MGAT4A: variants seen among roughly 807,000 people sequenced by gnomAD.
MGAT4A encodes the protein alpha-1,3-mannosyl-glycoprotein 4-beta-N-acetylglucosaminyltransferase A.
MGAT4A carries 33 observed loss-of-function variants against 74.1 expected under a neutral mutation model. The observed-to-expected ratio is 0.45, with a 90% CI of 0.34 to 0.60. MGAT4A has a LOEUF of 0.60. Among genes scored for constraint, MGAT4A ranks in the 20% least tolerant of loss-of-function variants. The pLI is 0.02. For missense variants in MGAT4A, 479 were observed against 628.3 expected (o/e 0.76, Z 2.54); for synonymous variants, 198 against 210.4 (o/e 0.94, Z 0.51).
intron 2 of MGAT4A, among the ~76,000 whole-genome samples, chr2:98,705,202 C>T (rs1056025784): frequency 2.6e-5 from 4 of 152,190 alleles, no homozygotes; most frequent in African/African-American, 7.2e-5. Context: ...GCCCTCTCCC[C>T]ATTTTAAGCA....
chr2:98,689,166 C>T (rs1702164319), intron 2 of MGAT4A, among the ~76,000 whole-genome samples: 1 of 152,136 alleles, frequency 6.6e-6, no homozygotes, highest in African/African-American at 2.4e-5. Context: ...TTCAGGATAG[C>T]ATAAAAGAAG....
intron 1 of MGAT4A, among the ~76,000 whole-genome samples, chr2:98,730,618 C>T (rs1702838303): frequency 6.6e-6 from 1 of 151,582 alleles, no homozygotes; most frequent in Non-Finnish European, 1.5e-5. Context: ...AGCTGTCCCT[C>T]CCCCTCCGCA....
At chr2:98,656,812 TGAA>T (rs1482070349) in intron 6 of MGAT4A, among the ~76,000 whole-genome samples, 1 of 151,898 alleles carries the variant, frequency 6.6e-6, no homozygotes, top group Non-Finnish European at 1.5e-5. Context: ...AATAGAAAAT[TGAA>T]GAAAAACAAA....
rs537178060 is a variant in MGAT4A, at chr2:98,623,448, T to C, written c.*2118A>G. On this transcript the variant is annotated 3_prime_UTR_variant, in exon 16 of 16. Transcript: ENST00000393487. The stretch of plus-strand genomic sequence containing the variant: ...TCCTAAGCCCACCTGCAGAGATTTT[T>C]ACTTCTGGTACTCAGTTATCTTTGC... 1,276 of 985,330 alleles carry C rather than the reference T, an allele frequency of 1.3e-3. No homozygotes were observed. Among genetic ancestry groups the C allele is most frequent in the Middle Eastern group, 1.5e-3 (3 of 1,936 alleles). The allele number at this position is 985,330 out of a possible 1,614,324, so 61.0% of individuals were successfully genotyped here.
chr2:98,621,277 G>C lies in MGAT4A; in HGVS notation c.*4289C>G. On this transcript the variant is annotated 3_prime_UTR_variant, in exon 16 of 16. Transcript: ENST00000393487. ...GGCTGGGTCTTATCTGGAGACTGGA[G>C]ATGAATGCCTTTCCAAGCCTATGAA... 1.7e-6 allele frequency: 2 copies of C among 1,210,268 alleles called. No individual in the cohort carries two copies. Among genetic ancestry groups the C allele is most frequent in the South Asian group, 3.4e-5 (2 of 58,720 alleles). The allele number at this position is 1,210,268 out of a possible 1,614,324, so 75.0% of individuals were successfully genotyped here. A position where few individuals can be genotyped will look rare whatever the true frequency, so the allele number is the denominator to read the frequency against.
intron 2 of MGAT4A, chr2:98,694,068 C>T (rs1702232676): frequency 6.5e-6 from 1 of 153,824 alleles, no homozygotes; most frequent in South Asian, 1.8e-4. Flanking sequence ...CAGCTCCAGC[C>T]TGGCCCCAGC....
intron 3 of MGAT4A, among the ~76,000 whole-genome samples, chr2:98,676,528 A>C (rs1317797643): frequency 6.6e-6 from 1 of 152,192 alleles, no homozygotes; most frequent in South Asian, 2.1e-4. Flanking sequence ...TATTTCTAAG[A>C]AGATCATAAT....
chr2:98,621,350 C>G lies in MGAT4A; in HGVS notation c.*4216G>C, dbSNP rs745422546. 6.6e-7 allele frequency: 1 copy of G among 1,519,914 alleles called. No homozygotes were observed. Among genetic ancestry groups the G allele is most frequent in the South Asian group, 1.3e-5 (1 of 79,982 alleles). 94.2% of individuals were successfully genotyped at this position (1,519,914 alleles called of 1,614,324 possible). ...TTCCCGTGGCTGTAGGACTGCAGTT[C>G]CCAGCTCCTTTGCTGTTAGCCAAGG... On this transcript the variant is annotated 3_prime_UTR_variant, in exon 16 of 16. Transcript: ENST00000393487.
intron 6 of MGAT4A, among the ~76,000 whole-genome samples, chr2:98,657,072 G>C (rs141796901): frequency 7.9e-5 from 12 of 152,296 alleles, no homozygotes; most frequent in African/African-American, 2.6e-4. Context: ...ATTCTACAAT[G>C]CATACGGCAG....
chr2:98,661,911 C>T (rs1701754778), intron 5 of MGAT4A, among the ~76,000 whole-genome samples: 1 of 133,138 alleles, frequency 7.5e-6, no homozygotes, highest in African/African-American at 3.4e-5. Context: ...GCCAAAAATG[C>T]ATAGTCAAAA....
chr2:98,674,384 G>A (rs982764800), intron 4 of MGAT4A, among the ~76,000 whole-genome samples: 6 of 152,264 alleles, frequency 3.9e-5, no homozygotes, highest in Admixed American at 2.6e-4. Context: ...AGTGGTAAAC[G>A]GCTCTTGGGC....
intron 4 of MGAT4A, among the ~76,000 whole-genome samples, chr2:98,665,622 T>TAGGTA (rs1186815227): frequency 1.3e-5 from 2 of 152,220 alleles, no homozygotes; most frequent in African/African-American, 4.8e-5. Flanking sequence ...CAATGGTAAA[T>TAGGTA]AACATAGGTA....
At chr2:98,691,518 A>G (rs1702194116) in intron 2 of MGAT4A, among the ~76,000 whole-genome samples, 1 of 152,172 alleles carries the variant, frequency 6.6e-6, no homozygotes, top group Admixed American at 6.5e-5. Flanking sequence ...GCATAACACA[A>G]TGCATGACTC....
intron 8 of MGAT4A, among the ~76,000 whole-genome samples, chr2:98,647,303 GCT>G (rs1491205550): frequency 1.1e-5 from 1 of 91,792 alleles, no homozygotes; most frequent in African/African-American, 1.0e-4. Flanking sequence ...GATGTAATGT[GCT>G]CTTTTTTTAT....
At chr2:98,703,048 G>C (rs949649877) in intron 2 of MGAT4A, among the ~76,000 whole-genome samples, 1 of 152,252 alleles carries the variant, frequency 6.6e-6, no homozygotes, top group Non-Finnish European at 1.5e-5. Flanking sequence ...GCAGTCAGTG[G>C]AAGTGGTCTC....
intron 2 of MGAT4A, among the ~76,000 whole-genome samples, chr2:98,684,634 G>C (rs1220532957): frequency 6.6e-6 from 1 of 151,862 alleles, no homozygotes. Context: ...ATCCTTTTTG[G>C]CAAAAATGGT....
chr2:98,661,628 G>C (rs975841871), intron 5 of MGAT4A, among the ~76,000 whole-genome samples: 3 of 152,026 alleles, frequency 2.0e-5, no homozygotes, highest in African/African-American at 7.2e-5. Flanking sequence ...AAACTAAACA[G>C]AAAACATTAA....
intron 4 of MGAT4A, among the ~76,000 whole-genome samples, chr2:98,673,049 G>A (rs1701932019): frequency 6.6e-6 from 1 of 152,078 alleles, no homozygotes; most frequent in Admixed American, 6.5e-5. Context: ...TAGTCGCTGG[G>A]TTTGTTTGCC....
rs1575247399 is a variant in MGAT4A, at chr2:98,644,113, C to T, written c.890-60G>A. 7 of 1,456,274 alleles carry T rather than the reference C, an allele frequency of 4.8e-6. No homozygotes were observed. In the East Asian group the frequency reaches 1.7e-4, roughly 36 times the overall value. 90.2% of individuals were successfully genotyped at this position (1,456,274 alleles called of 1,614,324 possible). Reference sequence around the variant, plus strand: ...AGAAACCAAGCACCAAAATGGCTTACATTCATGAAATCTTGCCCACGACAT... The same window carrying T: ...AGAAACCAAGCACCAAAATGGCTTATATTCATGAAATCTTGCCCACGACAT... On this transcript the variant is annotated intron_variant, in intron 9 of 15. Coordinates refer to ENST00000393487, the MANE Select transcript of MGAT4A (RefSeq NM_012214.3).
Sources: allele counts gnomAD v4.1 joint callset (sites outside exome capture counted in the v4.1 genomes callset), GRCh38; gene constraint gnomAD v4.1.1; transcripts MANE v1.5; gene names NCBI Gene and HGNC (gene_info 2026-07-23, HGNC 2026-07-21).